The following EML4 variants were observed in gnomAD, a reference collection of about 807,000 sequenced individuals.
EML4 encodes echinoderm microtubule-associated protein-like 4.
EML4 carries 72 observed loss-of-function variants against 129.0 expected under a neutral mutation model. That is an observed-to-expected ratio of 0.56 (90% CI 0.46 to 0.68). EML4 has a LOEUF of 0.68. Ranked by LOEUF, EML4 falls within the 30% of genes least tolerant of loss-of-function variation. The probability of loss-of-function intolerance (pLI) is 0.00; values close to 1 mark genes in which losing one functional copy is unlikely to be tolerated. For synonymous variants in EML4, 532 were observed against 405.0 expected (o/e 1.31, Z -3.77); for missense variants, 1,363 against 1,190.6 (o/e 1.14, Z -2.13).
rs200034540 is a variant in EML4, at chr2:42,259,272, G to T, written c.339-1849G>T. ...AAAAAAAAAACAGGGGGAGGGGGGC[G>T]GCAGAGAAAAGAAATAGGCATTTAG... On this transcript the variant is annotated intron_variant, in intron 3 of 22. Coordinates refer to ENST00000318522, the MANE Select transcript of EML4 (RefSeq NM_019063.5). 1.6e-4 allele frequency among the ~76,000 whole-genome samples: 24 copies of T among 151,430 alleles called. No individual in the cohort carries two copies. The East Asian group carries it at 4.6e-3, about 29-fold the overall frequency.
intron 21 of EML4, among the ~76,000 whole-genome samples, chr2:42,328,101 A>G (rs986849796): frequency 2.6e-5 from 4 of 152,212 alleles, no homozygotes; most frequent in African/African-American, 9.6e-5. Flanking sequence ...ATTTTAATGA[A>G]GACATTATTT....
At chr2:42,299,270 C>A (rs1186126656) in intron 13 of EML4, among the ~76,000 whole-genome samples, 1 of 152,136 alleles carries the variant, frequency 6.6e-6, no homozygotes, top group Non-Finnish European at 1.5e-5. Flanking sequence ...CAAACTGAGA[C>A]ATAATTTTTT....
At chr2:42,213,221 C>A (rs904589498) in intron 1 of EML4, among the ~76,000 whole-genome samples, 1 of 152,072 alleles carries the variant, frequency 6.6e-6, no homozygotes, top group East Asian at 1.9e-4. Context: ...TACCAGAATC[C>A]CAGAAGCTCC....
Position 42,256,516 on chromosome 2 carries a change from G to A in EML4, c.224G>A (p.Arg75Gln), listed in dbSNP as rs764722742. The A allele has an allele frequency of 2.5e-6, 4 of 1,600,864 alleles. No homozygotes were observed. Among genetic ancestry groups the A allele is most frequent in the Non-Finnish European group, 3.4e-6 (4 of 1,172,342 alleles). Residue 75 changes from arginine (R) to glutamine (Q), a missense_variant, in exon 3 of 23, where the codon CGA becomes CAA. By Grantham distance (43) the Arg-to-Gln change is conservative. Transcript: ENST00000318522. Reference sequence around the variant, plus strand: ...TTATCTTTAGGCCAACCAAGCCCTCGAGCAGTTATTCCCATGTCCTGTATA... The same window carrying A: ...TTATCTTTAGGCCAACCAAGCCCTCAAGCAGTTATTCCCATGTCCTGTATA... ...SVSSKGQPSP[R>Q]AVIPMSCITN...
chr2:42,213,913 G>C (rs937147682), intron 1 of EML4, among the ~76,000 whole-genome samples: 2 of 152,118 alleles, frequency 1.3e-5, no homozygotes, highest in Non-Finnish European at 2.9e-5. Context: ...GTTATAATTT[G>C]TAAGCTGAAT....
intron 1 of EML4, among the ~76,000 whole-genome samples, chr2:42,187,444 A>G (rs1256187711): frequency 6.6e-6 from 1 of 152,088 alleles, no homozygotes; most frequent in Non-Finnish European, 1.5e-5. Context: ...AGATTCATCC[A>G]TGTTGTTTGT....
chr2:42,220,164 C>A (rs1302792690), intron 1 of EML4, among the ~76,000 whole-genome samples: 1 of 151,542 alleles, frequency 6.6e-6, no homozygotes, highest in African/African-American at 2.4e-5. Flanking sequence ...GAAAAAATAC[C>A]AGTTATCCAT....
intron 1 of EML4, among the ~76,000 whole-genome samples, chr2:42,216,110 C>T (rs1015064113): frequency 2.6e-5 from 4 of 151,340 alleles, no homozygotes; most frequent in Non-Finnish European, 4.4e-5. Context: ...ATTAGAGACA[C>T]GGTTTCACCA....
chr2:42,312,577 G>A (rs1328113460), intron 17 of EML4, among the ~76,000 whole-genome samples: 2 of 150,342 alleles, frequency 1.3e-5, no homozygotes, highest in Admixed American at 6.6e-5. Flanking sequence ...TTTTTTAGAC[G>A]GGGTCTTGCT....
intron 1 of EML4, among the ~76,000 whole-genome samples, chr2:42,214,236 A>G (rs1304739551): frequency 1.3e-5 from 2 of 152,214 alleles, no homozygotes; most frequent in African/African-American, 4.8e-5. Context: ...AAAAAAATTT[A>G]TGTCTAGTAC....
intron 19 of EML4, among the ~76,000 whole-genome samples, chr2:42,323,338 T>A (rs2103818230): frequency 6.6e-6 from 1 of 152,328 alleles, no homozygotes; most frequent in South Asian, 2.1e-4. Flanking sequence ...CATCTTGCTG[T>A]CTCTGAAAAT....
chr2:42,277,555 C>T (rs2104447572), intron 6 of EML4, among the ~76,000 whole-genome samples: 1 of 150,316 alleles, frequency 6.7e-6, no homozygotes, highest in Non-Finnish European at 1.5e-5. Context: ...ACTTCTCACC[C>T]ATAACAAGCA....
At chr2:42,213,160 C>T (rs923545008) in intron 1 of EML4, among the ~76,000 whole-genome samples, 2 of 152,174 alleles carry the variant, frequency 1.3e-5, no homozygotes, top group African/African-American at 2.4e-5. Flanking sequence ...TCTACCTTAA[C>T]GTACAGAAAA....
chr2:42,195,780 A>G (rs962056655), intron 1 of EML4, among the ~76,000 whole-genome samples: 2 of 152,186 alleles, frequency 1.3e-5, no homozygotes, highest in African/African-American at 4.8e-5. Flanking sequence ...AACACTACAT[A>G]TTTACTACAG....
intron 1 of EML4, among the ~76,000 whole-genome samples, chr2:42,187,125 C>T (rs898244389): frequency 1.3e-5 from 2 of 151,932 alleles, no homozygotes; most frequent in Non-Finnish European, 2.9e-5. Context: ...TTTACTGTAA[C>T]GTCCAATTCC....
chr2:42,229,261 C>T (rs1006079217), intron 1 of EML4, among the ~76,000 whole-genome samples: 1 of 152,034 alleles, frequency 6.6e-6, no homozygotes, highest in African/African-American at 2.4e-5. Context: ...TTTTCTATAA[C>T]TTTATATGTC....
intron 1 of EML4, among the ~76,000 whole-genome samples, chr2:42,197,425 G>A (rs1671959587): frequency 6.6e-6 from 1 of 152,064 alleles, no homozygotes; most frequent in African/African-American, 2.4e-5. Flanking sequence ...CAAAAAGATA[G>A]ATATAGGCAA....
intron 1 of EML4, among the ~76,000 whole-genome samples, chr2:42,222,810 T>TGTTTC (rs1260412977): frequency 2.6e-5 from 4 of 152,114 alleles, no homozygotes; most frequent in Admixed American, 2.6e-4. Context: ...TGTTTTGTTT[T>TGTTTC]GTTTTTGAGA....
In EML4 at chr2:42,199,621, G is replaced by A. The variant is rs544576865; in HGVS notation, c.25+29985G>A. 9.5e-4 allele frequency among the ~76,000 whole-genome samples: 144 copies of A among 152,290 alleles called. 1 individual carries two copies. The highest frequency in any genetic ancestry group is 3.2e-3 in the African/African-American group (132 of 41,558). Reference sequence around the variant, plus strand: ...ACTCAGCTGGAATGGAAGTGGTGTCGTGTGGAAAAGTTGGTTTCAATTAGA... The same window carrying A: ...ACTCAGCTGGAATGGAAGTGGTGTCATGTGGAAAAGTTGGTTTCAATTAGA... On this transcript the variant is annotated intron_variant, in intron 1 of 22. Transcript: ENST00000318522.
Sources: gnomAD v4.1 joint callset for allele counts (sites outside exome capture counted in the v4.1 genomes callset) on GRCh38, gnomAD v4.1.1 for gene constraint, MANE v1.5 for transcripts, NCBI Gene and HGNC (gene_info 2026-07-23, HGNC 2026-07-21) for gene names.